UBE3C: variants seen among roughly 807,000 people sequenced by gnomAD.
UBE3C encodes ubiquitin-protein ligase E3C.
Under a neutral mutation model 129.4 loss-of-function variants are expected in UBE3C, and 42 were observed. That is an observed-to-expected ratio of 0.32 (90% CI 0.25 to 0.42). The LOEUF is 0.42. Among genes scored for constraint, UBE3C ranks in the 10% least tolerant of loss-of-function variants. UBE3C has a pLI of 1.00. For synonymous variants in UBE3C, 510 were observed against 492.4 expected, an observed-to-expected ratio of 1.04 and a Z score of -0.47; for missense variants, 1,049 against 1,319.1, an observed-to-expected ratio of 0.80 and a Z score of 3.17.
At chr7:157,249,268 G>A (rs1796560338) in intron 19 of UBE3C, among the ~76,000 whole-genome samples, 2 of 151,666 alleles carry the variant, frequency 1.3e-5, no homozygotes, top group Non-Finnish European at 2.9e-5. Flanking sequence ...GCAGCCACCA[G>A]TCCACTCTGT....
At chr7:157,261,131 C>T (rs1056249011) in intron 22 of UBE3C, among the ~76,000 whole-genome samples, 5 of 151,586 alleles carry the variant, frequency 3.3e-5, no homozygotes, top group Admixed American at 6.6e-5. Context: ...GATGAAACCC[C>T]GCCTCTACTA....
chr7:157,265,688 A>G (rs1403999998), intron 22 of UBE3C, among the ~76,000 whole-genome samples: 1 of 152,198 alleles, frequency 6.6e-6, no homozygotes, highest in African/African-American at 2.4e-5. Flanking sequence ...TACTGTGTCC[A>G]ATGTGCTCAC....
intron 17 of UBE3C, among the ~76,000 whole-genome samples, chr7:157,229,655 G>A (rs539303887): frequency 6.7e-6 from 1 of 149,706 alleles, no homozygotes; most frequent in South Asian, 2.1e-4. Flanking sequence ...TAGAGATGGG[G>A]GTCTCACTTT....
chr7:157,171,251 T>C (rs1808359216), intron 4 of UBE3C, among the ~76,000 whole-genome samples: 1 of 152,088 alleles, frequency 6.6e-6, no homozygotes, highest in African/African-American at 2.4e-5. Flanking sequence ...CTCAGCCACC[T>C]AAGTAGCTGG....
At chr7:157,251,278 G>T (rs1796614619) in intron 19 of UBE3C, among the ~76,000 whole-genome samples, 1 of 152,136 alleles carries the variant, frequency 6.6e-6, no homozygotes, top group African/African-American at 2.4e-5. Flanking sequence ...TTTAAAATAT[G>T]GTGCTGCTCT....
Position 157,254,013 on chromosome 7 carries a change from G to T in UBE3C, c.2754G>T (p.Ala918=). The change falls in exon 20 of 23, where the codon GCG becomes GCT. Residue 918 remains alanine, a synonymous_variant. Transcript: ENST00000348165. Reference sequence around the variant, plus strand: ...CTGTCACCAGCGCCAACCGGATTGCGTACATCCACTTGGTGGCAGACTACA... The same window carrying T: ...CTGTCACCAGCGCCAACCGGATTGCTTACATCCACTTGGTGGCAGACTACA... ...DIPVTSANRI[A]YIHLVADYRL... The T allele has an allele frequency of 6.2e-7, 1 of 1,612,828 alleles. No homozygotes were observed.
intron 1 of UBE3C, among the ~76,000 whole-genome samples, chr7:157,146,983 C>G (rs948263910): frequency 7.2e-5 from 11 of 152,056 alleles, no homozygotes; most frequent in Admixed American, 7.2e-4. Context: ...AGTGTGAGTC[C>G]TTCGACTTCC....
chr7:157,159,567 G>A lies in UBE3C; in HGVS notation c.67-4243G>A, dbSNP rs145565311. Among the ~76,000 whole-genome samples, 530 of 152,298 alleles carry A rather than the reference G, an allele frequency of 3.5e-3. 5 individuals are homozygous for A. Among genetic ancestry groups the A allele is most frequent in the African/African-American group, 0.012 (503 of 41,570 alleles). The stretch of plus-strand genomic sequence containing the variant: ...TCAGAATCCAGTTGTATCAGAGAAC[G>A]TGATTAAATACCATTTGCAGCTGGG... On this transcript the variant is annotated intron_variant, in intron 1 of 22. Coordinates refer to ENST00000348165, the MANE Select transcript of UBE3C (RefSeq NM_014671.3).
intron 10 of UBE3C, among the ~76,000 whole-genome samples, chr7:157,194,484 C>A (rs1325862849): frequency 2.0e-5 from 3 of 152,128 alleles, no homozygotes; most frequent in Non-Finnish European, 2.9e-5. Context: ...TAGAATGCTG[C>A]TGTAACAAAT....
chr7:157,164,862 G>A (rs1808170826), intron 2 of UBE3C, among the ~76,000 whole-genome samples: 2 of 152,178 alleles, frequency 1.3e-5, no homozygotes, highest in African/African-American at 4.8e-5. Context: ...ATTACAGCTG[G>A]AAGGGCCTAT....
intron 1 of UBE3C, among the ~76,000 whole-genome samples, chr7:157,161,940 T>G (rs566165277): frequency 7.2e-4 from 109 of 151,906 alleles, no homozygotes; most frequent in African/African-American, 2.5e-3. Flanking sequence ...TGTGATGGTA[T>G]GCACCCGTAG....
intron 4 of UBE3C, among the ~76,000 whole-genome samples, chr7:157,170,716 T>C (rs1463864790): frequency 6.6e-6 from 1 of 152,178 alleles, no homozygotes; most frequent in Non-Finnish European, 1.5e-5. Context: ...AGCAGAATAT[T>C]TTGCCCACCT....
Position 157,252,517 on chromosome 7 carries a change from G to A in UBE3C, c.2695-1437G>A, listed in dbSNP as rs187499035. Among the ~76,000 whole-genome samples, 11 of 152,340 alleles carry A rather than the reference G, an allele frequency of 7.2e-5. No homozygotes were observed. In the East Asian group the frequency reaches 1.5e-3, roughly 21 times the overall value. On this transcript the variant is annotated intron_variant, in intron 19 of 22. Transcript: ENST00000348165. The stretch of plus-strand genomic sequence containing the variant: ...TGTATCATCCTTTAAAATGTGAAAC[G>A]TTAAAAGAAGCAGATCTGGTAAGTT...
intron 1 of UBE3C, among the ~76,000 whole-genome samples, chr7:157,147,802 A>AT (rs773168604): frequency 2.0e-5 from 3 of 151,948 alleles, no homozygotes; most frequent in Non-Finnish European, 4.4e-5. Context: ...ATGTTATGTG[A>AT]TTTTCCTTCT....
chr7:157,156,762 T>C (rs1807921004), intron 1 of UBE3C, among the ~76,000 whole-genome samples: 1 of 151,824 alleles, frequency 6.6e-6, no homozygotes, highest in African/African-American at 2.4e-5. Context: ...CAGATTGCTG[T>C]ACTTCTCCTG....
intron 18 of UBE3C, among the ~76,000 whole-genome samples, chr7:157,233,420 C>T (rs749970532): frequency 3.2e-4 from 48 of 152,026 alleles, no homozygotes; most frequent in Non-Finnish European, 5.1e-4. Context: ...CTGGGACCAC[C>T]GTTGCTTGCT....
intron 2 of UBE3C, among the ~76,000 whole-genome samples, chr7:157,166,085 T>G (rs888992535): frequency 1.3e-5 from 2 of 152,232 alleles, no homozygotes; most frequent in African/African-American, 4.8e-5. Flanking sequence ...ATAGGTTTCC[T>G]AATCCTTTCT....
At chr7:157,198,183 T>C in intron 10 of UBE3C, 3 of 1,603,102 alleles carry the variant, frequency 1.9e-6, no homozygotes, top group Non-Finnish European at 2.6e-6. Context: ...ATCTTGTAGC[T>C]GATTTTCTCC....
chr7:157,175,109 T>C (rs1808480700), intron 5 of UBE3C, 75 bp downstream of exon 5: 8 of 1,025,670 alleles, frequency 7.8e-6, no homozygotes, highest in East Asian at 3.2e-5. Context: ...TTTTGACTTT[T>C]ATTTTCAGAG....
Sources: gnomAD v4.1 joint callset for allele counts (sites outside exome capture counted in the v4.1 genomes callset) on GRCh38, gnomAD v4.1.1 for gene constraint, MANE v1.5 for transcripts, NCBI Gene and HGNC (gene_info 2026-07-23, HGNC 2026-07-21) for gene names.